The following INTS9 variants were observed in gnomAD, a reference collection of about 807,000 sequenced individuals.
INTS9 encodes the protein protein related to CPSF subunits of 74 kDa.
Under a neutral mutation model 79.7 loss-of-function variants are expected in INTS9, and 55 were observed. The ratio of observed to expected loss-of-function variants is 0.69; its 90% confidence interval spans 0.56 to 0.86. The LOEUF is 0.86. INTS9 is among the 40% of genes least tolerant of loss of function. The pLI, the probability that INTS9 is intolerant of heterozygous loss-of-function variation, is 0.00. For missense variants in INTS9, 721 were observed against 831.5 expected, an observed-to-expected ratio of 0.87 and a Z score of 1.64; for synonymous variants, 319 against 325.2, an observed-to-expected ratio of 0.98 and a Z score of 0.20.
intron 6 of INTS9, among the ~76,000 whole-genome samples, chr8:28,821,930 C>T (rs947482524): frequency 7.9e-5 from 12 of 151,902 alleles, no homozygotes; most frequent in Non-Finnish European, 1.6e-4. Context: ...CCACCATGCC[C>T]GGCTCAGTTT....
chr8:28,843,380 T>C (rs2131220250), intron 4 of INTS9, among the ~76,000 whole-genome samples: 1 of 152,388 alleles, frequency 6.6e-6, no homozygotes, highest in South Asian at 2.1e-4. Flanking sequence ...GACACTTTCA[T>C]CTGCATTAAA....
intron 12 of INTS9, 65 bp downstream of exon 12, chr8:28,780,758 G>T: frequency 6.3e-7 from 1 of 1,581,326 alleles, no homozygotes. Flanking sequence ...TCTCTACCTT[G>T]TAGGTGCATT....
At chr8:28,790,368 A>G (rs953024191) in intron 10 of INTS9, among the ~76,000 whole-genome samples, 4 of 152,234 alleles carry the variant, frequency 2.6e-5, no homozygotes, top group Non-Finnish European at 5.9e-5. Flanking sequence ...CCTTACAGCA[A>G]GGCTGCATGA....
chr8:28,878,787 C>G (rs1463886069), intron 1 of INTS9, among the ~76,000 whole-genome samples: 5 of 151,972 alleles, frequency 3.3e-5, no homozygotes, highest in African/African-American at 1.2e-4. Context: ...CGAGACCAGC[C>G]TGACCAACAT....
intron 12 of INTS9, among the ~76,000 whole-genome samples, chr8:28,779,561 T>A (rs1803116491): frequency 6.6e-6 from 1 of 152,198 alleles, no homozygotes; most frequent in Non-Finnish European, 1.5e-5. Flanking sequence ...CCATTCTTCC[T>A]GTGTTCTAGA....
chr8:28,887,208 T>C (rs543172496), intron 1 of INTS9, among the ~76,000 whole-genome samples: 69 of 152,286 alleles, frequency 4.5e-4, no homozygotes, highest in African/African-American at 1.6e-3. Flanking sequence ...AGGCAGGCAA[T>C]GGAACATATT....
chr8:28,797,161 TC>T (rs910118747), intron 8 of INTS9, among the ~76,000 whole-genome samples: 1 of 152,166 alleles, frequency 6.6e-6, no homozygotes, highest in Non-Finnish European at 1.5e-5. Context: ...TTTCACATCT[TC>T]CCAGGAGATG....
intron 6 of INTS9, among the ~76,000 whole-genome samples, chr8:28,824,185 CA>C (rs1233615062): frequency 6.6e-6 from 1 of 152,164 alleles, no homozygotes; most frequent in African/African-American, 2.4e-5. Context: ...AACAGGATGC[CA>C]AAAGCCTCGA....
chr8:28,867,804 G>A (rs2041028616), intron 1 of INTS9, among the ~76,000 whole-genome samples: 1 of 151,216 alleles, frequency 6.6e-6, no homozygotes, highest in South Asian at 2.1e-4. Flanking sequence ...ATTAAAATAC[G>A]CATAGTTATT....
At chr8:28,862,185 A>G (rs1309171532) in intron 1 of INTS9, 1 of 985,458 alleles carries the variant, frequency 1.0e-6, no homozygotes, top group Non-Finnish European at 1.2e-6. Flanking sequence ...GTCACCAAGC[A>G]GCATATCATC....
chr8:28,806,624 A>C (rs1156780988), intron 8 of INTS9, among the ~76,000 whole-genome samples: 2 of 152,224 alleles, frequency 1.3e-5, no homozygotes, highest in African/African-American at 4.8e-5. Flanking sequence ...GCTTCAAAGG[A>C]AGACTAATCA....
chr8:28,881,186 C>T (rs1342794553), intron 1 of INTS9, among the ~76,000 whole-genome samples: 5 of 147,360 alleles, frequency 3.4e-5, no homozygotes, highest in East Asian at 2.1e-4. Flanking sequence ...CGCCTCTGCC[C>T]GGCCGCCCCT....
chr8:28,889,684 G>A (rs1377846550), intron 1 of INTS9, among the ~76,000 whole-genome samples, 190 bp downstream of exon 1: 1 of 152,144 alleles, frequency 6.6e-6, no homozygotes, highest in Non-Finnish European at 1.5e-5. Context: ...CTCCTGGGAG[G>A]GATGGGGTGG....
At chr8:28,881,357 C>G (rs1268982791) in intron 1 of INTS9, among the ~76,000 whole-genome samples, 75 of 134,824 alleles carry the variant, frequency 5.6e-4, no homozygotes, top group South Asian at 7.3e-4. Context: ...AGGGGCGCCT[C>G]TGCCCGGCCG....
chr8:28,819,386 A>G (rs1426844279), intron 6 of INTS9, among the ~76,000 whole-genome samples: 1 of 152,162 alleles, frequency 6.6e-6, no homozygotes, highest in Non-Finnish European at 1.5e-5. Context: ...GAACATCTTT[A>G]TTTCTGCCTT....
At chr8:28,780,620 C>T (rs1300035138) in intron 12 of INTS9, 2 of 985,304 alleles carry the variant, frequency 2.0e-6, no homozygotes, top group African/African-American at 3.5e-5. Context: ...GGCATGAAGG[C>T]CTCGCTGGAT....
At chr8:28,880,307 G>T (rs536322570) in intron 1 of INTS9, among the ~76,000 whole-genome samples, 1 of 138,732 alleles carries the variant, frequency 7.2e-6, no homozygotes, top group African/African-American at 2.6e-5. Context: ...CTCTGATGCC[G>T]AGCCAAAGCT....
At chr8:28,788,076 T>C (rs1200791242) in intron 10 of INTS9, among the ~76,000 whole-genome samples, 187 bp from the exon 11 acceptor site, 1 of 152,246 alleles carries the variant, frequency 6.6e-6, no homozygotes, top group Non-Finnish European at 1.5e-5. Flanking sequence ...TTTTAAACTT[T>C]AGAATTTCTC....
intron 6 of INTS9, among the ~76,000 whole-genome samples, chr8:28,821,125 T>C (rs922835709): frequency 1.3e-5 from 2 of 152,078 alleles, no homozygotes; most frequent in Non-Finnish European, 2.9e-5. Context: ...CTATCACAGA[T>C]GGCAAGGAAA....
Sources: allele counts gnomAD v4.1 joint callset (sites outside exome capture counted in the v4.1 genomes callset), GRCh38; gene constraint gnomAD v4.1.1; transcripts MANE v1.5; gene names NCBI Gene and HGNC (gene_info 2026-07-23, HGNC 2026-07-21).